SHISA4: variants seen among roughly 807,000 people sequenced by gnomAD.
The protein encoded by SHISA4 is protein shisa-4.
Under a neutral mutation model 24.2 loss-of-function variants are expected in SHISA4, and 16 were observed. That is an observed-to-expected ratio of 0.66 (90% confidence interval 0.45 to 1.00). The LOEUF (loss-of-function observed/expected upper bound fraction) is 1.00, where lower values mean the gene tolerates loss of function less well. SHISA4 is among the 50% of genes least tolerant of loss of function. The probability of loss-of-function intolerance (pLI) is 0.00; values close to 1 mark genes in which losing one functional copy is unlikely to be tolerated. For missense variants in SHISA4, 238 were observed against 258.9 expected, an observed-to-expected ratio of 0.92 and a Z score of 0.55; for synonymous variants, 106 against 105.4, an observed-to-expected ratio of 1.01 and a Z score of -0.04.
intron 2 of SHISA4, 109 bp downstream of exon 2, chr1:201,889,725 T>C (rs1571567127): frequency 7.6e-7 from 1 of 1,314,822 alleles, no homozygotes; most frequent in Non-Finnish European, 1.1e-6. Flanking sequence ...CTCCACATTC[T>C]TAGCTGAATA....
Position 201,889,033 on chromosome 1 carries a change from C to A in SHISA4, c.39C>A (p.Thr13=). The A allele has an allele frequency of 7.2e-7, 1 of 1,380,160 alleles. No individual in the cohort carries two copies. Among genetic ancestry groups the A allele is most frequent in the Admixed American group, 3.7e-5 (1 of 27,364 alleles). The allele number at this position is 1,380,160 out of a possible 1,614,324, so 85.5% of individuals were successfully genotyped here. Residue 13 remains threonine (T), a synonymous_variant, in exon 1 of 5, where the codon ACC becomes ACA. Transcript: ENST00000362011. Reference sequence around the variant, plus strand: ...GGCTCCGCCGGGCCGCGCCGCTCACCGCAATCGCTCTGTTGGTGCTGGGGG... The same window carrying A: ...GGCTCCGCCGGGCCGCGCCGCTCACAGCAATCGCTCTGTTGGTGCTGGGGG... ...PAGLRRAAPL[T]AIALLVLGAP...
intron 3 of SHISA4, 97 bp downstream of exon 3, chr1:201,890,684 G>A: frequency 6.7e-7 from 1 of 1,502,428 alleles, no homozygotes; most frequent in South Asian, 1.3e-5. Context: ...TTCTGTAGTA[G>A]TATGTGCTTC....
intron 3 of SHISA4, among the ~76,000 whole-genome samples, chr1:201,891,020 G>C (rs1681085983): frequency 6.6e-6 from 1 of 152,200 alleles, no homozygotes; most frequent in African/African-American, 2.4e-5. Context: ...TGGGGACAGT[G>C]ATGCCATACG....
Position 201,888,973 on chromosome 1 carries a change from C to A in SHISA4, c.-22C>A. 1 of 1,378,490 alleles carries A rather than the reference C, an allele frequency of 7.3e-7. No homozygotes were observed. The highest frequency in any genetic ancestry group is 9.4e-7 in the Non-Finnish European group (1 of 1,063,556). 85.4% of individuals were successfully genotyped at this position (1,378,490 alleles called of 1,614,324 possible). A position where few individuals can be genotyped will look rare whatever the true frequency, so the allele number is the denominator to read the frequency against. ...GGTCCCTTCTCTGGGAGGCCCGACC[C>A]CGGCCGCGCCCAGCCCCCACCATGC... On this transcript the variant is annotated 5_prime_UTR_variant, in exon 1 of 5. Coordinates refer to ENST00000362011, the MANE Select transcript of SHISA4 (RefSeq NM_198149.3).
chr1:201,892,027 A>G lies in SHISA4; in HGVS notation c.*181A>G. The G allele has an allele frequency of 3.0e-6, 2 of 671,142 alleles. No homozygotes were observed. The highest frequency in any genetic ancestry group is 5.2e-6 in the Non-Finnish European group (2 of 387,718). The allele number at this position is 671,142 out of a possible 1,614,324, so 41.6% of individuals were successfully genotyped here. ...AGGGAAGTGGAACAGGAGCTGAACT[A>G]GAACTATGAGGGGTTGGGGGGAGGG... On this transcript the variant is annotated 3_prime_UTR_variant, in exon 5 of 5. Coordinates refer to ENST00000362011, the MANE Select transcript of SHISA4 (RefSeq NM_198149.3).
At chr1:201,891,143 C>G (rs1189579356) in intron 3 of SHISA4, among the ~76,000 whole-genome samples, 1 of 152,154 alleles carries the variant, frequency 6.6e-6, no homozygotes, top group Non-Finnish European at 1.5e-5. Flanking sequence ...GAGATATTCC[C>G]TGGGCTGTGC....
intron 2 of SHISA4, 30 bp downstream of exon 2, chr1:201,889,646 C>G: frequency 1.2e-6 from 2 of 1,609,742 alleles, no homozygotes; most frequent in Middle Eastern, 1.7e-4. Context: ...CCCTCACCAC[C>G]TCCTCTATCC....
upstream of SHISA4, chr1:201,888,832 G>A (rs1005948919): frequency 7.3e-6 from 3 of 408,756 alleles, no homozygotes; most frequent in Non-Finnish European, 1.3e-5. Flanking sequence ...AGCCGCGCCG[G>A]CTGGGTTAGC....
chr1:201,889,330 C>A, intron 1 of SHISA4, 115 bp from the exon 2 acceptor site: 1 of 1,428,494 alleles, frequency 7.0e-7, no homozygotes, highest in Non-Finnish European at 9.5e-7. Flanking sequence ...AGACAAGGGG[C>A]AACCCTCAGT....
rs571893866 is a variant in SHISA4 at position 201,890,532 on chromosome 1, C to G, written c.324C>G (p.Leu108=). 2.5e-5 allele frequency: 40 copies of G among 1,614,264 alleles called. 2 individuals carry two copies. The South Asian group carries it at 4.4e-4, about 18-fold the overall frequency. ...AVVATTICCF[L]CSCCYLYRRR... The stretch of plus-strand genomic sequence containing the variant: ...TTGCCACCACCATCTGCTGCTTCCT[C>G]TGTTCCTGTTGCTACCTGTACCGCC... Residue 108 remains leucine (L), a synonymous_variant, in exon 3 of 5, where the codon CTC becomes CTG. Transcript: ENST00000362011.
At chr1:201,890,413 A>C in intron 2 of SHISA4, 41 bp from the exon 3 acceptor site, 1 of 1,610,108 alleles carries the variant, frequency 6.2e-7, no homozygotes, top group Non-Finnish European at 8.5e-7. Flanking sequence ...ACTCCGTCCT[A>C]TGAGTGTTGG....
At chr1:201,889,370 G>C in intron 1 of SHISA4, 75 bp from the exon 2 acceptor site, 1 of 1,581,382 alleles carries the variant, frequency 6.3e-7, no homozygotes, top group Admixed American at 1.7e-5. Context: ...GGGGACCGCC[G>C]GGGGAGTGGG....
At chr1:201,890,986 A>G (rs1304878952) in intron 3 of SHISA4, among the ~76,000 whole-genome samples, 1 of 152,216 alleles carries the variant, frequency 6.6e-6, no homozygotes, top group Non-Finnish European at 1.5e-5. Flanking sequence ...CATGTGATGC[A>G]CATATGCCAC....
intron 2 of SHISA4, among the ~76,000 whole-genome samples, chr1:201,889,960 A>C (rs572755310): frequency 6.6e-6 from 1 of 152,292 alleles, no homozygotes; most frequent in East Asian, 1.9e-4. Flanking sequence ...TCTGGCACAA[A>C]GGCAGGAGAC....
intron 4 of SHISA4, 42 bp downstream of exon 4, chr1:201,891,610 A>G: frequency 6.3e-7 from 1 of 1,577,742 alleles, no homozygotes; most frequent in Non-Finnish European, 8.6e-7. Context: ...GCCTTCCCCC[A>G]CCCCTTGCCC....
In SHISA4 at chr1:201,890,468, C is replaced by T. The variant is rs1162702794; in HGVS notation, c.260C>T (p.Ala87Val). The T allele has an allele frequency of 6.2e-7, 1 of 1,614,218 alleles. No homozygotes were observed. The highest frequency in any genetic ancestry group is 2.2e-5 in the East Asian group (1 of 44,888). Residue 87 changes from alanine to valine, a missense_variant, in exon 3 of 5, where the codon GCA becomes GTA. Coordinates refer to ENST00000362011, the MANE Select transcript of SHISA4 (RefSeq NM_198149.3). The part of the protein sequence containing the change: ...HCLAFSPKTI[A>V]GIASAVILFV... ...TTTGTCTAAAGCCCCAAGACCATAG[C>T]AGGCATCGCCTCAGCTGTGATCCTC...
chr1:201,892,002 A>G lies in SHISA4; in HGVS notation c.*156A>G. 2 of 801,814 alleles carry G rather than the reference A, an allele frequency of 2.5e-6. No homozygotes were observed. Among genetic ancestry groups the G allele is most frequent in the South Asian group, 1.6e-5 (1 of 63,686 alleles). 49.7% of individuals were successfully genotyped at this position (801,814 alleles called of 1,614,324 possible). A position where few individuals can be genotyped will look rare whatever the true frequency, so the allele number is the denominator to read the frequency against. ...TGGGCCCTACTGGGGACAGAGCCCC[A>G]GGGAAGTGGAACAGGAGCTGAACTA... On this transcript the variant is annotated 3_prime_UTR_variant, in exon 5 of 5. Transcript: ENST00000362011.
intron 2 of SHISA4, among the ~76,000 whole-genome samples, 170 bp downstream of exon 2, chr1:201,889,786 T>G (rs1681059866): frequency 1.3e-5 from 2 of 152,194 alleles, no homozygotes; most frequent in East Asian, 1.9e-4. Flanking sequence ...TAGGTGCTGG[T>G]GCCTGGGAGT....
rs1488629347 is a variant in SHISA4 at position 201,889,594 on chromosome 1, C to G, written c.223C>G (p.Gln75Glu). Residue 75 changes from glutamine (Q) to glutamate (E), a missense_variant, in exon 2 of 5, where the codon CAG (glutamine) becomes GAG (glutamate). Physicochemically the swap from Gln to Glu is conservative, Grantham distance 29 (BLOSUM62 2). Transcript: ENST00000362011. ...GACCTTGCTTATCACCGAGAGGCAGCAGAAGCACTGCCTGGCCTTCAGGTG... is the reference window on the plus strand; with the variant it reads ...GACCTTGCTTATCACCGAGAGGCAGGAGAAGCACTGCCTGGCCTTCAGGTG... ...DLTLLITERQQKHCLAFSPKT... is the reference protein window; with the variant it reads ...DLTLLITERQEKHCLAFSPKT... The G allele has an allele frequency of 6.2e-7, 1 of 1,613,814 alleles. No individual in the cohort carries two copies. The highest frequency in any genetic ancestry group is 1.7e-5 in the Admixed American group (1 of 60,018).
Sources: gnomAD v4.1 joint callset for allele counts (sites outside exome capture counted in the v4.1 genomes callset) on GRCh38, gnomAD v4.1.1 for gene constraint, MANE v1.5 for transcripts, NCBI Gene and HGNC (gene_info 2026-07-23, HGNC 2026-07-21) for gene names.